Variants in SLC71A1 observed in about 807,000 individuals in gnomAD.
The protein encoded by SLC71A1 is hippocampus abundant gene transcript 1.
the SLC71A1 span, among the ~76,000 whole-genome samples, chr1:100,056,084 T>A: frequency 1.3e-5 from 2 of 152,232 alleles, no homozygotes; most frequent in Admixed American, 1.3e-4. Flanking sequence ...AGAATAAATG[T>A]TGGCTGTAGT....
the SLC71A1 span, among the ~76,000 whole-genome samples, chr1:100,063,797 A>G: frequency 6.6e-6 from 1 of 152,144 alleles, no homozygotes; most frequent in Non-Finnish European, 1.5e-5. Flanking sequence ...CCTGTCTCCA[A>G]AAAAGGGGGT....
At chr1:100,041,953 G>A in the SLC71A1 span, among the ~76,000 whole-genome samples, 6 of 151,782 alleles carry the variant, frequency 4.0e-5, no homozygotes, top group Admixed American at 3.9e-4. Context: ...TTTAGTTACA[G>A]GTTTTCATGT....
chr1:100,061,873 C>A, the SLC71A1 span: 1 of 1,613,150 alleles, frequency 6.2e-7, no homozygotes, highest in Non-Finnish European at 8.5e-7. Context: ...GGGGTTTTTG[C>A]AGTGACTTTT....
the SLC71A1 span, among the ~76,000 whole-genome samples, chr1:100,073,032 C>A: frequency 2.6e-5 from 4 of 152,142 alleles, no homozygotes. Flanking sequence ...CACCCCTATG[C>A]TCCTCATCTC....
chr1:100,062,034 T>C, the SLC71A1 span: 1 of 751,972 alleles, frequency 1.3e-6, no homozygotes, highest in Non-Finnish European at 2.2e-6. Context: ...AGTGCAAACC[T>C]TTGCATTACA....
At chr1:100,079,430 G>T in the SLC71A1 span, 2 of 151,958 alleles carry the variant, frequency 1.3e-5, no homozygotes, top group African/African-American at 2.4e-5. Context: ...CTTTGAAAAG[G>T]ATATGTTTTG....
the SLC71A1 span, chr1:100,058,611 T>C: frequency 3.2e-6 from 3 of 939,248 alleles, no homozygotes. Context: ...AATGTAGAAA[T>C]TTTATTAAGA....
the SLC71A1 span, among the ~76,000 whole-genome samples, chr1:100,063,832 G>T: frequency 6.6e-6 from 1 of 152,154 alleles, no homozygotes; most frequent in East Asian, 1.9e-4. Flanking sequence ...TGACCCCTGT[G>T]ATCTTTTTTC....
the SLC71A1 span, chr1:100,079,269 T>G: frequency 6.7e-6 from 1 of 149,702 alleles, no homozygotes; most frequent in Non-Finnish European, 1.5e-5. Flanking sequence ...ACAGCAAGAC[T>G]CCCATCTCTA....
the SLC71A1 span, among the ~76,000 whole-genome samples, chr1:100,067,733 C>T: frequency 6.6e-6 from 1 of 152,032 alleles, no homozygotes; most frequent in Non-Finnish European, 1.5e-5. Context: ...TCTCTTGAGC[C>T]TGAGAGGTCA....
chr1:100,082,714 T>C, the SLC71A1 span: 1 of 152,636 alleles, frequency 6.6e-6, no homozygotes, highest in South Asian at 2.1e-4. Flanking sequence ...AAATGAATTG[T>C]TTGCATTTAA....
the SLC71A1 span, among the ~76,000 whole-genome samples, chr1:100,041,932 AAAAAG>A: frequency 1.2e-4 from 18 of 152,230 alleles, no homozygotes; most frequent in African/African-American, 4.3e-4. Context: ...AAAAAAAAAA[AAAAAG>A]AAGTTTTTAG....
chr1:100,072,134 A>G, the SLC71A1 span, among the ~76,000 whole-genome samples: 123 of 152,376 alleles, frequency 8.1e-4, 1 homozygote, highest in Middle Eastern at 3.4e-3. Flanking sequence ...CCTCAAAGGT[A>G]GAAGAATGAT....
chr1:100,059,144 G>GTGTGTTTTTT, the SLC71A1 span, among the ~76,000 whole-genome samples: 1 of 75,416 alleles, frequency 1.3e-5, no homozygotes, highest in Non-Finnish European at 2.5e-5. Flanking sequence ...TCTTTTTCGT[G>GTGTGTTTTTT]TTTTTTTTTT....
chr1:100,060,077 C>A, the SLC71A1 span: 1 of 1,377,442 alleles, frequency 7.3e-7, no homozygotes. Flanking sequence ...TCCTTTATTT[C>A]TTTCACTTGT....
At chr1:100,052,768 CTTTTTT>C in the SLC71A1 span, among the ~76,000 whole-genome samples, 2 of 144,938 alleles carry the variant, frequency 1.4e-5, no homozygotes, top group Non-Finnish European at 3.0e-5. Context: ...TTTTCTTTTT[CTTTTTT>C]TTTTTATTTT....
At chr1:100,038,336 G>A in the SLC71A1 span, 3 of 1,550,412 alleles carry the variant, frequency 1.9e-6, no homozygotes, top group African/African-American at 1.4e-5. Flanking sequence ...GTTCCGCGCC[G>A]GCGAGCGTCC....
At chr1:100,065,644 TTTTC>T in the SLC71A1 span, among the ~76,000 whole-genome samples, 3 of 149,628 alleles carry the variant, frequency 2.0e-5, no homozygotes, top group East Asian at 2.0e-4. Flanking sequence ...TTCCCTTCTT[TTTTC>T]TTTTTCTTTC....
the SLC71A1 span, among the ~76,000 whole-genome samples, chr1:100,050,321 A>G: frequency 6.6e-6 from 1 of 152,176 alleles, no homozygotes; most frequent in African/African-American, 2.4e-5. Flanking sequence ...TGTGACCTGC[A>G]TGACTCGGCA....
Sources: gnomAD v4.1 joint callset for allele counts (sites outside exome capture counted in the v4.1 genomes callset) on GRCh38, gnomAD v4.1.1 for gene constraint, MANE v1.5 for transcripts, NCBI Gene and HGNC (gene_info 2026-07-23, HGNC 2026-07-21) for gene names.